The following SREBF1 variants were observed in gnomAD, a reference collection of about 807,000 sequenced individuals.
SREBF1 encodes sterol regulatory element binding transcription factor 1, also known as sterol regulatory element-binding protein 1.
A neutral mutation model predicts 100.1 loss-of-function variants in SREBF1; 45 were observed. The ratio of observed to expected loss-of-function variants is 0.45; its 90% CI spans 0.35 to 0.58. The LOEUF (loss-of-function observed/expected upper bound fraction) is 0.58. Ranked by LOEUF, SREBF1 falls within the 20% of genes least tolerant of loss-of-function variation. SREBF1 has a pLI of 0.00. For synonymous variants in SREBF1, 657 were observed against 681.8 expected, an observed-to-expected ratio of 0.96 and a Z score of 0.57; for missense variants, 1,324 against 1,539.4, an observed-to-expected ratio of 0.86 and a Z score of 2.34.
chr17:17,831,838 T>C (rs932407901), intron 1 of SREBF1, among the ~76,000 whole-genome samples: 1 of 152,190 alleles, frequency 6.6e-6, no homozygotes, highest in South Asian at 2.1e-4. Flanking sequence ...ATGCAAGGAC[T>C]CATGGAGGCA....
At chr17:17,830,861 C>T (rs1481767924) in intron 1 of SREBF1, among the ~76,000 whole-genome samples, 2 of 152,232 alleles carry the variant, frequency 1.3e-5, no homozygotes, top group Non-Finnish European at 2.9e-5. Flanking sequence ...GGCTGTCACA[C>T]ACTGTCAGTG....
At chr17:17,821,694 AC>A (rs1225699994) in intron 1 of SREBF1, among the ~76,000 whole-genome samples, 1 of 152,142 alleles carries the variant, frequency 6.6e-6, no homozygotes, top group Non-Finnish European at 1.5e-5. Context: ...CCAAGGACCA[AC>A]TGTGCAGCCT....
chr17:17,817,885 G>A lies in SREBF1; in HGVS notation c.1215C>T (p.Gly405=). ...TGAGCACGTCTGTGTTCCCTCCACT[G>A]CCACAGGCCGACACCAGATCCTTCA... ...KSLKDLVSAC[G]SGGNTDVLME... The change falls in exon 7 of 19, where the codon GGC becomes GGT. Residue 405 remains glycine (G), a synonymous_variant. Coordinates refer to ENST00000261646, the MANE Select transcript of SREBF1 (RefSeq NM_004176.5). The surrounding 1 kb of genome is among the most constrained non-coding windows in gnomAD (Gnocchi z 6.6). 1.9e-6 allele frequency: 3 copies of A among 1,602,470 alleles called. No homozygotes were observed. Among genetic ancestry groups the A allele is most frequent in the Non-Finnish European group, 2.5e-6 (3 of 1,179,944 alleles).
intron 13 of SREBF1, 85 bp downstream of exon 13, chr17:17,815,136 G>C: frequency 2.2e-6 from 3 of 1,386,008 alleles, no homozygotes; most frequent in Non-Finnish European, 3.1e-6. Flanking sequence ...CCAGCTCTGG[G>C]CTCTCTCCAC....
rs758739978 is a variant in SREBF1 at position 17,817,813 on chromosome 17, G to C, written c.1287C>G (p.Pro429=). 12 of 1,612,450 alleles carry C rather than the reference G, an allele frequency of 7.4e-6. No homozygotes were observed. The highest frequency in any genetic ancestry group is 8.5e-6 in the Non-Finnish European group (10 of 1,180,010). ...TEVEDTLTPP[P]SDAGSPFQSS... ...TCTGGAAAGGTGAGCCAGCATCCGA[G>C]GGGGGTGGGGTCAGTGTGTCCTCCA... Residue 429 remains proline (P), a synonymous_variant, in exon 7 of 19, where the codon CCC becomes CCG. Coordinates refer to ENST00000261646, the MANE Select transcript of SREBF1 (RefSeq NM_004176.5). This position sits in a 1 kb window ranked among gnomAD's most constrained non-coding sequence, Gnocchi z 6.6.
Position 17,815,365 on chromosome 17 carries a change from G to A in SREBF1, c.2384-36C>T, listed in dbSNP as rs778032338. ...GAGGAGGTGAGTGGGGTGGGGAGCA[G>A]GGCCCCACCCTCCTCTCCAAGCTAA... is the stretch of plus-strand genomic sequence containing the variant. On this transcript the variant is annotated intron_variant, in intron 12 of 18. Coordinates refer to ENST00000261646, the MANE Select transcript of SREBF1 (RefSeq NM_004176.5). 4.5e-6 allele frequency: 7 copies of A among 1,563,230 alleles called. No individual in the cohort carries two copies. The Admixed American group carries it at 1.2e-4, about 26-fold the overall frequency.
At chr17:17,833,108 T>C (rs985092512) in intron 1 of SREBF1, among the ~76,000 whole-genome samples, 32 of 151,898 alleles carry the variant, frequency 2.1e-4, no homozygotes, top group African/African-American at 7.5e-4. Flanking sequence ...TGTGAACCAA[T>C]GGACCCTATT....
intron 1 of SREBF1, chr17:17,823,543 G>A: frequency 6.2e-7 from 1 of 1,613,426 alleles, no homozygotes; most frequent in Non-Finnish European, 8.5e-7. Flanking sequence ...CCATGGCTCC[G>A]CGATCTGCGC....
intron 1 of SREBF1, among the ~76,000 whole-genome samples, chr17:17,833,294 G>A (rs985426884): frequency 4.0e-5 from 6 of 150,822 alleles, no homozygotes; most frequent in Non-Finnish European, 8.9e-5. Context: ...CGTGGTGGCA[G>A]GTGCCTGTAA....
Position 17,812,555 on chromosome 17 carries a change from G to T in SREBF1, c.*67C>A. 8 of 1,484,226 alleles carry T rather than the reference G, an allele frequency of 5.4e-6. No homozygotes were observed. The highest frequency in any genetic ancestry group is 7.3e-6 in the Non-Finnish European group (8 of 1,089,770). The allele number at this position is 1,484,226 out of a possible 1,614,324, so 91.9% of individuals were successfully genotyped here. A position where few individuals can be genotyped will look rare whatever the true frequency, so the allele number is the denominator to read the frequency against. Reference sequence around the variant, plus strand: ...TGCCTTCGGCCTTCAAAGCTTCGACGCAGGACAGAAGCTGCACGGGACCAA... The same window carrying T: ...TGCCTTCGGCCTTCAAAGCTTCGACTCAGGACAGAAGCTGCACGGGACCAA... On this transcript the variant is annotated 3_prime_UTR_variant, in exon 19 of 19. Coordinates refer to ENST00000261646, the MANE Select transcript of SREBF1 (RefSeq NM_004176.5).
intron 1 of SREBF1, among the ~76,000 whole-genome samples, chr17:17,822,883 A>G (rs2034199269): frequency 6.6e-6 from 1 of 152,160 alleles, no homozygotes; most frequent in Non-Finnish European, 1.5e-5. Flanking sequence ...AATTTCCTAG[A>G]GCAGTTGGCA....
chr17:17,821,625 G>T (rs1201317160), intron 1 of SREBF1, among the ~76,000 whole-genome samples: 2 of 152,196 alleles, frequency 1.3e-5, no homozygotes, highest in Admixed American at 1.3e-4. Flanking sequence ...GGGGAAGAGG[G>T]GTGCAGAGAG....
intron 1 of SREBF1, among the ~76,000 whole-genome samples, chr17:17,823,828 C>T (rs1265994060): frequency 6.6e-6 from 1 of 151,900 alleles, no homozygotes; most frequent in Non-Finnish European, 1.5e-5. Flanking sequence ...CCCACCTCCC[C>T]ACGGCGGCGG....
At position 17,811,563 on chromosome 17, in the gene SREBF1, G is replaced by A. The variant is rs188868996; in HGVS notation, c.*1059C>T. ...GGGGGGGGGGCATGAATGGAGTCAGGGAGTCGGCCTTTCACAGAACAGGAA... is the reference window on the plus strand; with the variant it reads ...GGGGGGGGGGCATGAATGGAGTCAGAGAGTCGGCCTTTCACAGAACAGGAA... On this transcript the variant is annotated 3_prime_UTR_variant, in exon 19 of 19. Coordinates refer to ENST00000261646, the MANE Select transcript of SREBF1 (RefSeq NM_004176.5). 126 of 347,272 alleles carry A rather than the reference G, an allele frequency of 3.6e-4. No individual in the cohort carries two copies. In the East Asian group the frequency reaches 6.6e-3, roughly 18 times the overall value. 21.5% of individuals were successfully genotyped at this position (347,272 alleles called of 1,614,324 possible). A position where few individuals can be genotyped will look rare whatever the true frequency, so the allele number is the denominator to read the frequency against.
intron 1 of SREBF1, chr17:17,823,560 T>G (rs1368240998): frequency 6.2e-7 from 1 of 1,613,130 alleles, no homozygotes; most frequent in African/African-American, 1.3e-5. Flanking sequence ...GCGCCCGCCC[T>G]TGGGGCGTCC....
intron 1 of SREBF1, among the ~76,000 whole-genome samples, chr17:17,835,652 C>A (rs886317049): frequency 6.6e-6 from 1 of 152,250 alleles, no homozygotes; most frequent in East Asian, 1.9e-4. Context: ...AAAACTCCTG[C>A]ACAGAAACCA....
At chr17:17,823,617 C>G (rs769315699) in intron 1 of SREBF1, 1 of 1,607,048 alleles carries the variant, frequency 6.2e-7, no homozygotes, top group African/African-American at 1.3e-5. Context: ...CCTGTCAAGG[C>G]GCGGCGGATT....
In SREBF1 at chr17:17,816,310, T is replaced by A; in HGVS notation, c.2111A>T (p.Glu704Val). 1 of 1,576,872 alleles carries A rather than the reference T, an allele frequency of 6.3e-7. No homozygotes were observed. The highest frequency in any genetic ancestry group is 8.6e-7 in the Non-Finnish European group (1 of 1,166,220). Reference protein sequence around the residue: ...NLALSALNLAECAGDAVSVAT... With the variant: ...NLALSALNLAVCAGDAVSVAT... ...CACAGACACGGCATCCCCTGCACAC[T>A]CTGCCAGGTTCAGGGCACTCAGCGC... Residue 704 changes from glutamate to valine, a missense_variant, in exon 11 of 19, where the codon GAG becomes GTG. Glu to Val is a moderately radical substitution (Grantham distance 121, BLOSUM62 -2). Coordinates refer to ENST00000261646, the MANE Select transcript of SREBF1 (RefSeq NM_004176.5).
chr17:17,825,253 C>T (rs2034409670), intron 1 of SREBF1, among the ~76,000 whole-genome samples: 1 of 152,250 alleles, frequency 6.6e-6, no homozygotes, highest in African/African-American at 2.4e-5. Flanking sequence ...CTTGGCTTTA[C>T]CACATATTCC....
Sources: gnomAD v4.1 joint callset for allele counts (sites outside exome capture counted in the v4.1 genomes callset) on GRCh38, gnomAD v4.1.1 for gene constraint, Gnocchi (gnomAD v3.1) non-coding constraint, MANE v1.5 for transcripts, NCBI Gene and HGNC (gene_info 2026-07-23, HGNC 2026-07-21) for gene names.